Variants in LRRC4C observed in about 807,000 individuals in gnomAD.
LRRC4C encodes leucine rich repeat containing 4C, also known as leucine-rich repeat-containing protein 4C.
A neutral mutation model predicts 33.6 loss-of-function variants in LRRC4C; 5 were observed. The observed-to-expected ratio is 0.15, with a 90% CI of 0.08 to 0.31. The LOEUF (loss-of-function observed/expected upper bound fraction) is 0.31. Ranked by LOEUF, LRRC4C falls within the 10% of genes least tolerant of loss-of-function variation. LRRC4C has a pLI of 1.00. For missense variants in LRRC4C, 560 were observed against 796.7 expected (o/e 0.70, Z 3.58); for synonymous variants, 329 against 302.0 (o/e 1.09, Z -0.93).
chr11:41,388,831 C>A (rs894425802), intron 1 of LRRC4C, among the ~76,000 whole-genome samples: 4 of 151,798 alleles, frequency 2.6e-5, no homozygotes, highest in African/African-American at 9.7e-5. Context: ...TCCTTAAATA[C>A]CAATAGGTAT....
intron 2 of LRRC4C, among the ~76,000 whole-genome samples, chr11:40,915,334 G>T (rs1013708445): frequency 1.3e-5 from 2 of 152,076 alleles, no homozygotes; most frequent in African/African-American, 4.8e-5. Context: ...CATGGTACTG[G>T]TACCAAAACA....
intron 3 of LRRC4C, among the ~76,000 whole-genome samples, chr11:40,350,831 A>G (rs1947350293): frequency 6.6e-6 from 1 of 151,638 alleles, no homozygotes; most frequent in African/African-American, 2.4e-5. Flanking sequence ...ATTTTTAAGT[A>G]TTTTCTTTTA....
chr11:40,822,046 A>G (rs555044532), intron 2 of LRRC4C, among the ~76,000 whole-genome samples: 2 of 151,788 alleles, frequency 1.3e-5, no homozygotes, highest in Middle Eastern at 3.4e-3. Flanking sequence ...CTATTTTGGC[A>G]TGCGCAATAA....
intron 1 of LRRC4C, among the ~76,000 whole-genome samples, chr11:41,303,118 C>CCTCTCCCTCTCT (rs1950333278): frequency 7.3e-6 from 1 of 136,570 alleles, no homozygotes; most frequent in Non-Finnish European, 1.6e-5. Flanking sequence ...TCTCCCTCTC[C>CCTCTCCCTCTCT]CTCACCCCAC....
At chr11:40,565,699 A>T (rs1323538556) in intron 3 of LRRC4C, among the ~76,000 whole-genome samples, 1 of 151,642 alleles carries the variant, frequency 6.6e-6, no homozygotes, top group East Asian at 1.9e-4. Context: ...CCTTCTAATA[A>T]TTTTTTTCTG....
At chr11:41,244,869 G>A (rs1387685716) in intron 1 of LRRC4C, among the ~76,000 whole-genome samples, 3 of 152,190 alleles carry the variant, frequency 2.0e-5, no homozygotes, top group Admixed American at 6.5e-5. Flanking sequence ...AAATACTCAC[G>A]ACTGGCTCAG....
intron 5 of LRRC4C, among the ~76,000 whole-genome samples, chr11:40,195,743 C>CA (rs34365679): frequency 0.018 from 2,514 of 141,874 alleles, 39 homozygotes; most frequent in African/African-American, 0.04. Flanking sequence ...AGGTGATTGT[C>CA]AAAAAAAAAA....
At position 40,585,807 on chromosome 11, in the gene LRRC4C, A is replaced by AT. The variant is rs1378546120; in HGVS notation, c.-270+62334dup. 1.5e-4 allele frequency among the ~76,000 whole-genome samples: 21 copies of AT among 136,688 alleles called. 4 individuals are homozygous for AT. The highest frequency in any genetic ancestry group is 2.8e-4 in the Non-Finnish European group (17 of 61,580). The allele number at this position is 136,688 out of a possible 152,430, so 89.7% of individuals were successfully genotyped here. ...TCCCTACAAAGGATATGAACTCATC[A>AT]TTTTTTATGGCTGCATAGTATTCCA... On this transcript the variant is annotated intron_variant, in intron 3 of 6. Coordinates refer to ENST00000528697, the MANE Select transcript of LRRC4C (RefSeq NM_001258419.2).
At chr11:40,935,729 G>T (rs1301601710) in intron 1 of LRRC4C, among the ~76,000 whole-genome samples, 1 of 151,866 alleles carries the variant, frequency 6.6e-6, no homozygotes, top group Non-Finnish European at 1.5e-5. Context: ...ATTCCCAAGA[G>T]AAATTAGTCT....
At chr11:40,553,666 C>T (rs1047585861) in intron 3 of LRRC4C, among the ~76,000 whole-genome samples, 2 of 152,132 alleles carry the variant, frequency 1.3e-5, no homozygotes, top group African/African-American at 4.8e-5. Flanking sequence ...TTGCATTTAT[C>T]TGATGATTAG....
intron 3 of LRRC4C, among the ~76,000 whole-genome samples, chr11:40,590,791 G>A (rs1414870278): frequency 2.0e-5 from 3 of 151,894 alleles, no homozygotes; most frequent in Non-Finnish European, 2.9e-5. Flanking sequence ...AGGCTGCTCG[G>A]GGGTCAGGGG....
chr11:40,136,809 T>C (rs1857013624), intron 6 of LRRC4C, among the ~76,000 whole-genome samples: 1 of 152,168 alleles, frequency 6.6e-6, no homozygotes, highest in Admixed American at 6.5e-5. Flanking sequence ...TGTAGCACCA[T>C]TACTTGATCA....
chr11:40,118,910 AG>A (rs1179834072), intron 6 of LRRC4C, among the ~76,000 whole-genome samples: 5 of 152,166 alleles, frequency 3.3e-5, no homozygotes, highest in Non-Finnish European at 5.9e-5. Context: ...AAGCAATGGA[AG>A]AAACTAGTGG....
chr11:40,854,629 G>A (rs1008515734), intron 2 of LRRC4C, among the ~76,000 whole-genome samples: 2 of 151,068 alleles, frequency 1.3e-5, no homozygotes, highest in African/African-American at 4.9e-5. Context: ...TTCTGGTATA[G>A]TTTTTTTGCT....
intron 1 of LRRC4C, among the ~76,000 whole-genome samples, chr11:41,299,872 C>T (rs1418208394): frequency 1.3e-5 from 2 of 152,020 alleles, no homozygotes; most frequent in Non-Finnish European, 2.9e-5. Flanking sequence ...GGGAAATGAA[C>T]TTATTTTACT....
intron 2 of LRRC4C, among the ~76,000 whole-genome samples, chr11:40,801,202 G>T (rs1456544442): frequency 1.3e-5 from 2 of 151,974 alleles, no homozygotes; most frequent in Admixed American, 1.3e-4. Flanking sequence ...TTTATATTTT[G>T]CTCCCTTGAG....
At chr11:41,281,080 T>TCTCTCTCTCTCTC (rs1949657304) in intron 1 of LRRC4C, among the ~76,000 whole-genome samples, 8 of 104,500 alleles carry the variant, frequency 7.7e-5, no homozygotes, top group East Asian at 5.2e-4. Flanking sequence ...CTCTCTGTCC[T>TCTCTCTCTCTCTC]CTCTCTCTCT....
At chr11:40,632,334 A>C (rs946563536) in intron 3 of LRRC4C, among the ~76,000 whole-genome samples, 1 of 152,214 alleles carries the variant, frequency 6.6e-6, no homozygotes, top group Non-Finnish European at 1.5e-5. Context: ...ACGCAGAAAG[A>C]TTTAGAGAAC....
At chr11:41,223,888 C>T (rs941823204) in intron 1 of LRRC4C, among the ~76,000 whole-genome samples, 2 of 152,176 alleles carry the variant, frequency 1.3e-5, no homozygotes, top group African/African-American at 4.8e-5. Context: ...ATCTCTTAAT[C>T]ATGCCAGGGG....
Sources: allele counts gnomAD v4.1 joint callset (sites outside exome capture counted in the v4.1 genomes callset), GRCh38; gene constraint gnomAD v4.1.1; transcripts MANE v1.5; gene names NCBI Gene and HGNC (gene_info 2026-07-23, HGNC 2026-07-21).